The following GPHN variants were observed in gnomAD, a reference collection of about 807,000 sequenced individuals.
GPHN encodes gephyrin.
Under a neutral mutation model 95.5 loss-of-function variants are expected in GPHN, and 17 were observed. The ratio of observed to expected loss-of-function variants is 0.18; its 90% CI spans 0.12 to 0.27. The LOEUF is 0.27. Among genes scored for constraint, GPHN ranks in the 10% least tolerant of loss-of-function variants. The probability of loss-of-function intolerance (pLI) is 1.00; values close to 1 mark genes in which losing one functional copy is unlikely to be tolerated. For missense variants in GPHN, 660 were observed against 978.1 expected (o/e 0.67, Z 4.34); for synonymous variants, 320 against 322.5 (o/e 0.99, Z 0.08).
At chr14:67,647,235 C>A in the GPHN span, 3 of 456,616 alleles carry the variant, frequency 6.6e-6, no homozygotes, top group East Asian at 6.9e-5. Flanking sequence ...TTGCCTAGAT[C>A]TTCTGTCTCA....
At position 66,582,485 on chromosome 14, in the gene GPHN, T is replaced by C. The variant is rs532126735; in HGVS notation, c.64+73894T>C. ...TGCCATGTTGGTGTGCTGCACCCAT[T>C]AACTCATCATTTAGCATTAGGTATA... is the stretch of plus-strand genomic sequence containing the variant. On this transcript the variant is annotated intron_variant, in intron 1 of 22. Transcript: ENST00000478722. Among the ~76,000 whole-genome samples the C allele has an allele frequency of 2.1e-4, 32 of 152,170 alleles. No individual in the cohort carries two copies. In the East Asian group the frequency reaches 5.4e-3, roughly 26 times the overall value.
chr14:66,555,253 CT>C (rs1293636774), intron 1 of GPHN, among the ~76,000 whole-genome samples: 24 of 152,118 alleles, frequency 1.6e-4, no homozygotes, highest in Non-Finnish European at 1.5e-5. Flanking sequence ...TACATATTTA[CT>C]TATGGACACA....
At chr14:66,970,537 G>C (rs1322479778) in intron 9 of GPHN, among the ~76,000 whole-genome samples, 3 of 152,178 alleles carry the variant, frequency 2.0e-5, no homozygotes, top group Non-Finnish European at 4.4e-5. Context: ...GATATGGCTA[G>C]GTCATTGGCT....
At chr14:66,965,827 TAGAA>T (rs2069285720) in intron 9 of GPHN, among the ~76,000 whole-genome samples, 1 of 152,072 alleles carries the variant, frequency 6.6e-6, no homozygotes. Context: ...CTAAATTTAT[TAGAA>T]AGAAAGTTTT....
chr14:67,311,911 CAA>C, the GPHN span: 2 of 152,466 alleles, frequency 1.3e-5, no homozygotes, highest in Non-Finnish European at 2.9e-5. Context: ...AAAGAAACGC[CAA>C]GAGAGTTTAA....
intron 2 of GPHN, among the ~76,000 whole-genome samples, chr14:66,735,790 A>C (rs553174893): frequency 6.6e-6 from 1 of 152,274 alleles, no homozygotes; most frequent in African/African-American, 2.4e-5. Context: ...CTCTAGAAGA[A>C]ATTTATGTTT....
At chr14:67,153,287 C>CA (rs891066218) in intron 18 of GPHN, among the ~76,000 whole-genome samples, 1 of 152,150 alleles carries the variant, frequency 6.6e-6, no homozygotes, top group Non-Finnish European at 1.5e-5. Context: ...CTCAAAATAA[C>CA]AAAAAATACC....
chr14:67,404,586 G>A, the GPHN span, among the ~76,000 whole-genome samples: 7 of 152,070 alleles, frequency 4.6e-5, no homozygotes, highest in South Asian at 6.2e-4. Flanking sequence ...AAGATGGGAG[G>A]ATCACTTGAG....
At chr14:67,729,415 G>T in the GPHN span, 1 of 1,581,918 alleles carries the variant, frequency 6.3e-7, no homozygotes, top group South Asian at 1.1e-5. Context: ...TCCACCACCT[G>T]TGTGCATGGG....
chr14:67,144,276 TATATATATATAC>T lies in GPHN; in HGVS notation c.1836+829_1836+840del, dbSNP rs1567401061. On this transcript the variant is annotated intron_variant, in intron 18 of 22. Coordinates refer to ENST00000478722, the MANE Select transcript of GPHN (RefSeq NM_020806.5). ...ATATATATATATATATATATATATA[TATATATATATAC>T]ACACACACATACACAAATATTTTAT... 1.3e-3 allele frequency among the ~76,000 whole-genome samples: 143 copies of T among 109,118 alleles called. 3 individuals are homozygous for T. The highest frequency in any genetic ancestry group is 4.4e-3 in the Middle Eastern group (1 of 226). The allele number at this position is 109,118 out of a possible 152,430, so 71.6% of individuals were successfully genotyped here. A position where few individuals can be genotyped will look rare whatever the true frequency, so the allele number is the denominator to read the frequency against.
chr14:67,199,205 A>C, the GPHN span: 13 of 1,606,966 alleles, frequency 8.1e-6, no homozygotes, highest in Non-Finnish European at 1.0e-5. Context: ...CAAAGGATAG[A>C]GTCACTGGCC....
At chr14:67,458,646 T>C in the GPHN span, among the ~76,000 whole-genome samples, 1 of 152,216 alleles carries the variant, frequency 6.6e-6, no homozygotes, top group African/African-American at 2.4e-5. Context: ...AACCAGGTCC[T>C]GTTTAGTCTT....
chr14:66,891,762 A>AT (rs75592829), intron 5 of GPHN, among the ~76,000 whole-genome samples: 12 of 150,748 alleles, frequency 8.0e-5, no homozygotes, highest in Admixed American at 1.3e-4. Context: ...ATATATATAT[A>AT]TTTTTTTTAA....
chr14:67,174,476 A>G (rs2082799662), intron 21 of GPHN, among the ~76,000 whole-genome samples: 1 of 152,096 alleles, frequency 6.6e-6, no homozygotes, highest in Non-Finnish European at 1.5e-5. Context: ...TATCCAGTCT[A>G]TTATTGATGG....
intron 2 of GPHN, among the ~76,000 whole-genome samples, chr14:66,752,811 A>G (rs1259674885): frequency 6.6e-6 from 1 of 152,008 alleles, no homozygotes; most frequent in Non-Finnish European, 1.5e-5. Flanking sequence ...AGCGAAGCAC[A>G]ATAAAAAAAT....
At chr14:66,834,223 T>G (rs1264778795) in intron 4 of GPHN, among the ~76,000 whole-genome samples, 2 of 152,176 alleles carry the variant, frequency 1.3e-5, no homozygotes, top group Non-Finnish European at 2.9e-5. Context: ...CACTTACTTA[T>G]GGATTATTTT....
intron 9 of GPHN, among the ~76,000 whole-genome samples, chr14:67,014,246 C>G (rs2073175465): frequency 6.6e-6 from 1 of 151,968 alleles, no homozygotes; most frequent in South Asian, 2.1e-4. Flanking sequence ...ACATGTATCT[C>G]TAAGCAAGCA....
chr14:66,610,104 T>C (rs2062715299), intron 1 of GPHN, among the ~76,000 whole-genome samples: 1 of 152,176 alleles, frequency 6.6e-6, no homozygotes, highest in South Asian at 2.1e-4. Flanking sequence ...AATTGGCTTC[T>C]TTTCTAAGTG....
chr14:67,032,617 A>G (rs72730456), intron 10 of GPHN, among the ~76,000 whole-genome samples: 6,714 of 152,256 alleles, frequency 0.044, 191 homozygotes, highest in Middle Eastern at 0.068. Context: ...CTGCAGACAG[A>G]CACCATTGAG....
Sources: allele counts gnomAD v4.1 joint callset (sites outside exome capture counted in the v4.1 genomes callset), GRCh38; gene constraint gnomAD v4.1.1; transcripts MANE v1.5; gene names NCBI Gene and HGNC (gene_info 2026-07-23, HGNC 2026-07-21).